AMMECR1: variants seen among roughly 807,000 people sequenced by gnomAD.
AMMECR1 encodes nuclear protein AMMECR1.
A neutral mutation model predicts 22.5 loss-of-function variants in AMMECR1; 3 were observed. That is an observed-to-expected ratio of 0.13 (90% CI 0.06 to 0.35). AMMECR1 has a LOEUF of 0.35. Among genes scored for constraint, AMMECR1 ranks in the 10% least tolerant of loss-of-function variants. The pLI is 1.00. For synonymous variants in AMMECR1, 130 were observed against 116.7 expected, an observed-to-expected ratio of 1.11 and a Z score of -0.74; for missense variants, 235 against 278.7, an observed-to-expected ratio of 0.84 and a Z score of 1.12.
At chrX:110,214,445 A>G (rs919229455) in intron 3 of AMMECR1, among the ~76,000 whole-genome samples, 5 of 111,528 alleles carry the variant, frequency 4.5e-5, no homozygotes, top group African/African-American at 1.6e-4. Context: ...AAGAGTATAT[A>G]GTGGAGTACA....
chrX:110,223,619 T>C (rs1366411873), intron 2 of AMMECR1, among the ~76,000 whole-genome samples: 2 of 111,851 alleles, frequency 1.8e-5, no homozygotes, highest in East Asian at 5.6e-4. Context: ...TAAGTTAGGA[T>C]ATACTATAAA....
At chrX:110,206,692 C>A (rs1370868516) in intron 3 of AMMECR1, among the ~76,000 whole-genome samples, 1 of 111,870 alleles carries the variant, frequency 8.9e-6, no homozygotes, top group Non-Finnish European at 1.9e-5. Context: ...AGTCCTGACC[C>A]TCAAAGCTAA....
chrX:110,327,125 A>T (rs1397580224), intron 2 of AMMECR1, among the ~76,000 whole-genome samples: 3 of 112,184 alleles, frequency 2.7e-5, no homozygotes, highest in African/African-American at 6.5e-5. Context: ...AGAGATATGA[A>T]ATAGGTAGGC....
At chrX:110,425,756 ATCATATAG>A (rs1468444077) in intron 2 of AMMECR1, among the ~76,000 whole-genome samples, 1 of 112,378 alleles carries the variant, frequency 8.9e-6, no homozygotes, top group South Asian at 3.7e-4. Context: ...TTTGCTCAAG[ATCATATAG>A]CTGGTTGGAG....
At chrX:110,339,592 G>T (rs1032594293) in intron 2 of AMMECR1, among the ~76,000 whole-genome samples, 1 of 110,664 alleles carries the variant, frequency 9.0e-6, no homozygotes, top group African/African-American at 3.3e-5. Context: ...CGCCTCCTGG[G>T]TTCAAGCGAT....
intron 2 of AMMECR1, among the ~76,000 whole-genome samples, chrX:110,329,235 A>G (rs774904039): frequency 1.8e-5 from 2 of 112,164 alleles, no homozygotes; most frequent in South Asian, 7.4e-4. Flanking sequence ...GCTTTTTTTC[A>G]TATGTTTCTT....
At chrX:110,328,230 G>T (rs1415751389) in intron 2 of AMMECR1, among the ~76,000 whole-genome samples, 1 of 111,533 alleles carries the variant, frequency 9.0e-6, no homozygotes, top group African/African-American at 3.3e-5. Context: ...TTCATTTACT[G>T]CACAACTTCA....
chrX:110,439,660 C>A (rs768829220), intron 1 of AMMECR1, among the ~76,000 whole-genome samples: 53 of 111,806 alleles, frequency 4.7e-4, no homozygotes, highest in Non-Finnish European at 9.0e-4. Flanking sequence ...TTCTGGTATG[C>A]TGTGGTGGGG....
At chrX:110,354,396 G>A (rs1335884053) in intron 2 of AMMECR1, among the ~76,000 whole-genome samples, 1 of 111,743 alleles carries the variant, frequency 8.9e-6, no homozygotes, top group Non-Finnish European at 1.9e-5. Flanking sequence ...AAACAATATA[G>A]TATAAGAACT....
At chrX:110,283,248 G>A (rs950222553) in intron 1 of AMMECR1, among the ~76,000 whole-genome samples, 2 of 111,837 alleles carry the variant, frequency 1.8e-5, no homozygotes, top group African/African-American at 6.5e-5. Flanking sequence ...CATTTTTCAT[G>A]TAAACTAAAG....
chrX:110,318,283 C>G (rs984399668), upstream of AMMECR1: 4 of 122,429 alleles, frequency 3.3e-5, no homozygotes, highest in Admixed American at 1.9e-4. Context: ...GGCTGGGCGC[C>G]TCGCGCCTGT....
At chrX:110,350,692 C>T (rs934354531) in intron 2 of AMMECR1, among the ~76,000 whole-genome samples, 14 of 111,401 alleles carry the variant, frequency 1.3e-4, no homozygotes, top group African/African-American at 2.9e-4. Flanking sequence ...CCAGGCTGGG[C>T]ATGGGGGCTC....
chrX:110,276,201 G>A (rs1447596079), intron 1 of AMMECR1, among the ~76,000 whole-genome samples: 1 of 111,527 alleles, frequency 9.0e-6, no homozygotes, highest in Non-Finnish European at 1.9e-5. Context: ...ATTTTTTATA[G>A]TATACTTTTC....
intron 5 of AMMECR1, 128 bp downstream of exon 5, chrX:110,200,826 C>T: frequency 2.1e-6 from 1 of 485,681 alleles, no homozygotes; most frequent in Non-Finnish European, 3.6e-6. Flanking sequence ...CAGTATGACC[C>T]TGCCATTCAT....
chrX:110,406,555 C>T (rs777399571), intron 2 of AMMECR1, among the ~76,000 whole-genome samples: 16 of 111,674 alleles, frequency 1.4e-4, no homozygotes, highest in South Asian at 1.1e-3. Context: ...TGAATAGTGC[C>T]GCAATAAACA....
intron 1 of AMMECR1, among the ~76,000 whole-genome samples, chrX:110,307,951 C>G (rs1022971577): frequency 2.9e-5 from 3 of 104,322 alleles, no homozygotes; most frequent in Non-Finnish European, 5.9e-5. Flanking sequence ...CTCACTGCAC[C>G]CTCGACCTCC....
At position 110,357,157 on chromosome X, in the gene AMMECR1, T is replaced by C. The variant is rs73251803; in HGVS notation, c.-147-39308A>G. 6.2e-4 allele frequency among the ~76,000 whole-genome samples: 69 copies of C among 111,820 alleles called. 1 individual carries two copies. Among genetic ancestry groups the C allele is most frequent in the South Asian group, 2.2e-3 (6 of 2,685 alleles). ...CATATACATGAAATTTAACACTCTA[T>C]TTTTGAAAGATTTAAATGAAAATTT... is the stretch of plus-strand genomic sequence containing the variant. On this transcript the variant is annotated intron_variant, in intron 2 of 7. Coordinates refer to the AMMECR1 transcript ENST00000372057.
chrX:110,333,135 G>T (rs2068127217), intron 2 of AMMECR1, among the ~76,000 whole-genome samples: 2 of 111,945 alleles, frequency 1.8e-5, no homozygotes, highest in Admixed American at 1.9e-4. Flanking sequence ...ACTGAAAGTT[G>T]TGTTCTGGGT....
chrX:110,377,604 A>G, intron 2 of AMMECR1, among the ~76,000 whole-genome samples: 1 of 111,846 alleles, frequency 8.9e-6, no homozygotes, highest in Non-Finnish European at 1.9e-5. Flanking sequence ...CTGGTGGAAC[A>G]TTTCTTTTGC....
Sources: gnomAD v4.1 joint callset for allele counts (sites outside exome capture counted in the v4.1 genomes callset) on GRCh38, gnomAD v4.1.1 for gene constraint, MANE v1.5 for transcripts, NCBI Gene and HGNC (gene_info 2026-07-23, HGNC 2026-07-21) for gene names.